The following NTM variants were observed in gnomAD, a reference collection of about 807,000 sequenced individuals.
NTM encodes IgLON family member 2.
A neutral mutation model predicts 42.1 loss-of-function variants in NTM; 13 were observed. The ratio of observed to expected loss-of-function variants is 0.31; its 90% confidence interval spans 0.20 to 0.49. The LOEUF is 0.49. NTM is among the 20% of genes least tolerant of loss of function. NTM has a pLI of 0.99. For synonymous variants in NTM, 187 were observed against 179.2 expected (o/e 1.04, Z -0.35); for missense variants, 373 against 452.8 (o/e 0.82, Z 1.60).
At chr11:131,883,774 G>T (rs577585936) in intron 1 of NTM, among the ~76,000 whole-genome samples, 1 of 152,226 alleles carries the variant, frequency 6.6e-6, no homozygotes, top group African/African-American at 2.4e-5. Flanking sequence ...AAGGCAGGAG[G>T]CTGTAGTTGA....
intron 2 of NTM, among the ~76,000 whole-genome samples, chr11:132,092,292 T>G (rs1050212877): frequency 6.6e-5 from 10 of 152,242 alleles, no homozygotes; most frequent in African/African-American, 2.4e-4. Flanking sequence ...TGTTGTCGCT[T>G]CTTTTTCATT....
chr11:131,985,245 G>T (rs1045356246), intron 2 of NTM, among the ~76,000 whole-genome samples: 1 of 152,114 alleles, frequency 6.6e-6, no homozygotes, highest in Non-Finnish European at 1.5e-5. Flanking sequence ...GTTATCACAA[G>T]GGACAGTTTT....
chr11:132,193,829 TA>T (rs1256496175), intron 3 of NTM, among the ~76,000 whole-genome samples: 1 of 152,016 alleles, frequency 6.6e-6, no homozygotes, highest in Non-Finnish European at 1.5e-5. Context: ...CAGAGACTAT[TA>T]AAAACACTTC....
intron 1 of NTM, among the ~76,000 whole-genome samples, chr11:131,429,269 A>G (rs1948458067): frequency 6.6e-6 from 1 of 152,120 alleles, no homozygotes; most frequent in South Asian, 2.1e-4. Context: ...GCTGCCTTGT[A>G]AAAGAGTTCA....
chr11:132,104,990 T>TAA, intron 2 of NTM, among the ~76,000 whole-genome samples: 1 of 111,896 alleles, frequency 8.9e-6, no homozygotes, highest in African/African-American at 3.4e-5. Context: ...TATATATATA[T>TAA]ATTTCATGGG....
intron 1 of NTM, among the ~76,000 whole-genome samples, chr11:131,744,037 G>A (rs1052324119): frequency 6.6e-6 from 1 of 152,096 alleles, no homozygotes; most frequent in Non-Finnish European, 1.5e-5. Context: ...TCCAAAATTA[G>A]CCCATACTTG....
At chr11:132,301,552 C>A (rs1336656777) in intron 4 of NTM, among the ~76,000 whole-genome samples, 2 of 152,218 alleles carry the variant, frequency 1.3e-5, no homozygotes, top group African/African-American at 4.8e-5. Context: ...AGCATCTGAG[C>A]AAAACCATGC....
intron 3 of NTM, among the ~76,000 whole-genome samples, chr11:132,170,125 T>C (rs76982780): frequency 0.018 from 2,736 of 152,268 alleles, 87 homozygotes; most frequent in African/African-American, 0.062. Flanking sequence ...TCAGGTGCTG[T>C]TGAAAATGAT....
At chr11:131,960,753 G>T (rs138754747) in intron 2 of NTM, among the ~76,000 whole-genome samples, 2 of 152,152 alleles carry the variant, frequency 1.3e-5, no homozygotes, top group African/African-American at 4.8e-5. Context: ...GGTCTACAGC[G>T]TTCCTCTCCA....
chr11:131,622,401 C>G (rs1428909636), intron 1 of NTM, among the ~76,000 whole-genome samples: 1 of 152,206 alleles, frequency 6.6e-6, no homozygotes, highest in Non-Finnish European at 1.5e-5. Context: ...CTCCACAGTT[C>G]AGGGACAGCC....
intron 1 of NTM, among the ~76,000 whole-genome samples, chr11:131,616,659 C>T (rs886512608): frequency 2.0e-5 from 3 of 152,124 alleles, no homozygotes; most frequent in Admixed American, 1.3e-4. Flanking sequence ...TTCTCTTCCC[C>T]ACCCGGCTCC....
At chr11:131,589,194 T>G (rs939764215) in intron 1 of NTM, among the ~76,000 whole-genome samples, 2 of 152,028 alleles carry the variant, frequency 1.3e-5, no homozygotes, top group Non-Finnish European at 2.9e-5. Flanking sequence ...TGTGTGTGTG[T>G]GTGTGTGTAG....
At chr11:132,127,590 C>G (rs2066055557) in intron 2 of NTM, among the ~76,000 whole-genome samples, 1 of 152,212 alleles carries the variant, frequency 6.6e-6, no homozygotes, top group South Asian at 2.1e-4. Flanking sequence ...TCAACAGTAT[C>G]TATCTTTTCT....
intron 2 of NTM, among the ~76,000 whole-genome samples, chr11:131,941,266 T>G (rs957748877): frequency 6.6e-6 from 1 of 152,200 alleles, no homozygotes; most frequent in East Asian, 1.9e-4. Context: ...CCTATATCAT[T>G]TCTCTGAGTG....
At chr11:131,464,761 C>T (rs1323299448) in intron 1 of NTM, among the ~76,000 whole-genome samples, 1 of 152,228 alleles carries the variant, frequency 6.6e-6, no homozygotes, top group Non-Finnish European at 1.5e-5. Context: ...TGATTTCCAT[C>T]TGTCAGTGTC....
intron 6 of NTM, among the ~76,000 whole-genome samples, chr11:132,311,370 A>G (rs2095275179): frequency 6.6e-6 from 1 of 152,184 alleles, no homozygotes; most frequent in African/African-American, 2.4e-5. Flanking sequence ...TTTTAAGGAC[A>G]CATTCTGGCA....
intron 1 of NTM, among the ~76,000 whole-genome samples, chr11:131,515,076 T>A (rs781437905): frequency 1.3e-5 from 2 of 152,110 alleles, no homozygotes; most frequent in African/African-American, 2.4e-5. Flanking sequence ...TATGCCTGGC[T>A]AAGTTTTATA....
chr11:131,831,950 A>G (rs1421042712), intron 1 of NTM, among the ~76,000 whole-genome samples: 1 of 147,790 alleles, frequency 6.8e-6, no homozygotes, highest in East Asian at 2.0e-4. Context: ...TATATATAAT[A>G]TATATAATTA....
intron 1 of NTM, among the ~76,000 whole-genome samples, chr11:131,671,004 C>T (rs539899784): frequency 2.4e-4 from 37 of 152,252 alleles, no homozygotes; most frequent in African/African-American, 8.2e-4. Context: ...GGCAGAGGCT[C>T]CCCTCTTCCT....
Sources: allele counts gnomAD v4.1 joint callset (sites outside exome capture counted in the v4.1 genomes callset), GRCh38; gene constraint gnomAD v4.1.1; transcripts MANE v1.5; gene names NCBI Gene and HGNC (gene_info 2026-07-23, HGNC 2026-07-21).